Variants in TMEM114 observed in about 807,000 individuals in gnomAD.
TMEM114 encodes transmembrane protein 114.
A neutral mutation model predicts 6.2 loss-of-function variants in TMEM114; 6 were observed. That is an observed-to-expected ratio of 0.97 (90% CI 0.53 to 1.91). The LOEUF is 1.91. TMEM114 is among the 40% of genes most tolerant of loss of function. The pLI is 0.01. For synonymous variants in TMEM114, 104 were observed against 73.0 expected, an observed-to-expected ratio of 1.42 and a Z score of -2.16; for missense variants, 218 against 158.3, an observed-to-expected ratio of 1.38 and a Z score of -2.02.
At chr16:8,535,687 G>C (rs4787250), downstream of TMEM114, among the ~76,000 whole-genome samples, 1 of 151,914 alleles carries the variant, frequency 6.6e-6, no homozygotes, top group Non-Finnish European at 1.5e-5. Context: ...CAAATCCTTC[G>C]TCGTGGGAAC....
chr16:8,532,123 T>A, the TMEM114 span: 3 of 152,320 alleles, frequency 2.0e-5, no homozygotes, highest in South Asian at 2.1e-4. Flanking sequence ...AGGGTTCAGC[T>A]CCAACACACC....
the TMEM114 span, among the ~76,000 whole-genome samples, chr16:8,526,995 G>A: frequency 2.0e-5 from 3 of 152,156 alleles, no homozygotes; most frequent in Non-Finnish European, 4.4e-5. Flanking sequence ...ATCACCTGAG[G>A]TCAGGAGCTC....
At chr16:8,557,257 C>G (rs559128591) in intron 2 of TMEM114, among the ~76,000 whole-genome samples, 1 of 152,098 alleles carries the variant, frequency 6.6e-6, no homozygotes, top group African/African-American at 2.4e-5. Context: ...CAAAAGGTAA[C>G]ACAACTTCCA....
Position 8,562,019 on chromosome 16 carries a change from TGTGAGTGAATGAGTGAGTAAATGAGTGA to T in TMEM114, n.213-24221_213-24194del, listed in dbSNP as rs1190343719. On this transcript the variant is annotated intron_variant and non_coding_transcript_variant, in intron 2 of 2. Transcript: ENST00000623677. ...GAATGAGTAAATGAGTGACTGAATG[TGTGAGTGAATGAGTGAGTAAATGAGTGA>T]GTGAGTGAATGAGTGAGTAAATGAG... 4.5e-3 allele frequency among the ~76,000 whole-genome samples: 554 copies of T among 122,882 alleles called. 4 individuals carry two copies. The highest frequency in any genetic ancestry group is 0.011 in the African/African-American group (357 of 31,542). The allele number at this position is 122,882 out of a possible 152,430, so 80.6% of individuals were successfully genotyped here. A position where few individuals can be genotyped will look rare whatever the true frequency, so the allele number is the denominator to read the frequency against.
At chr16:8,544,000 G>C (rs1027960368) in intron 2 of TMEM114, among the ~76,000 whole-genome samples, 7 of 152,096 alleles carry the variant, frequency 4.6e-5, no homozygotes, top group Admixed American at 2.0e-4. Flanking sequence ...TTTCCTTTTT[G>C]CCTAGACTGC....
rs1900939627 is a variant in TMEM114 at position 8,554,331 on chromosome 16, G to A, written n.213-16505C>T. Among the ~76,000 whole-genome samples the A allele has an allele frequency of 2.0e-5, 3 of 152,106 alleles. No individual in the cohort carries two copies. In the South Asian group the frequency reaches 6.2e-4, roughly 32 times the overall value. Reference sequence around the variant, plus strand: ...AGCCCTTTGGGAGGCCAAGGCAGGAGCATCGCTTGAGACCAGGAGTTCAAG... The same window carrying A: ...AGCCCTTTGGGAGGCCAAGGCAGGAACATCGCTTGAGACCAGGAGTTCAAG... On this transcript the variant is annotated intron_variant and non_coding_transcript_variant, in intron 2 of 2. Transcript: ENST00000623677.
At chr16:8,556,772 G>A (rs1167813639) in intron 2 of TMEM114, among the ~76,000 whole-genome samples, 2 of 152,182 alleles carry the variant, frequency 1.3e-5, no homozygotes, top group African/African-American at 2.4e-5. Flanking sequence ...CAAAGTGCCA[G>A]GATTATAGGC....
chr16:8,550,208 G>A (rs1013216540), intron 2 of TMEM114, among the ~76,000 whole-genome samples: 1 of 152,194 alleles, frequency 6.6e-6, no homozygotes, highest in African/African-American at 2.4e-5. Flanking sequence ...CCCACGTTGT[G>A]GGTGGGTCTT....
chr16:8,538,829 T>C (rs973389872), intron 2 of TMEM114, among the ~76,000 whole-genome samples: 1 of 152,196 alleles, frequency 6.6e-6, no homozygotes, highest in Non-Finnish European at 1.5e-5. Flanking sequence ...TTTTATGTTG[T>C]ATATACTTCA....
downstream of TMEM114, among the ~76,000 whole-genome samples, chr16:8,565,266 T>G (rs144712590): frequency 5.3e-5 from 8 of 152,176 alleles, no homozygotes; most frequent in Admixed American, 1.3e-4. Context: ...AGTGAACTTA[T>G]GAATGAACAA....
intron 2 of TMEM114, among the ~76,000 whole-genome samples, chr16:8,560,192 C>G (rs1901155067): frequency 6.6e-6 from 1 of 151,702 alleles, no homozygotes; most frequent in African/African-American, 2.4e-5. Context: ...GAGATGGGGT[C>G]TTGCTATGTT....
chr16:8,549,609 G>C (rs543215139), intron 2 of TMEM114, among the ~76,000 whole-genome samples: 59 of 151,976 alleles, frequency 3.9e-4, no homozygotes, highest in African/African-American at 1.4e-3. Flanking sequence ...TTTATTCCAA[G>C]ATATCATGTT....
chr16:8,565,904 G>C (rs1383452537), downstream of TMEM114, among the ~76,000 whole-genome samples: 1 of 152,166 alleles, frequency 6.6e-6, no homozygotes, highest in Non-Finnish European at 1.5e-5. Context: ...GTAGAGCCAG[G>C]GTTGAGAACC....
At position 8,590,059 on chromosome 16, in the gene TMEM114, C is replaced by T. The variant is rs1472038999; in HGVS notation, c.-221G>A. ...CTGCACGCGCCCCCCGCTCAGCCGC[C>T]GTCCACGTTCCCACCCCTCCAATGC... is the stretch of plus-strand genomic sequence containing the variant. On this transcript the variant is annotated 5_prime_UTR_variant, in exon 1 of 4. Transcript: ENST00000620492. 2 of 376,670 alleles carry T rather than the reference C, an allele frequency of 5.3e-6. No individual in the cohort carries two copies. Among genetic ancestry groups the T allele is most frequent in the East Asian group, 3.9e-5 (1 of 25,912 alleles). The allele number at this position is 376,670 out of a possible 1,614,324, so 23.3% of individuals were successfully genotyped here. A position where few individuals can be genotyped will look rare whatever the true frequency, so the allele number is the denominator to read the frequency against.
At chr16:8,533,425 T>A (rs1900271622), downstream of TMEM114, among the ~76,000 whole-genome samples, 1 of 152,132 alleles carries the variant, frequency 6.6e-6, no homozygotes, top group Non-Finnish European at 1.5e-5. Context: ...AAGGCCTGTG[T>A]GGATGGAGTA....
intron 2 of TMEM114, among the ~76,000 whole-genome samples, chr16:8,552,347 G>C (rs1900872615): frequency 6.6e-6 from 1 of 151,942 alleles, no homozygotes; most frequent in Non-Finnish European, 1.5e-5. Flanking sequence ...TCACTCCACT[G>C]CTCTCCAGCC....
rs1258399369 is a variant in TMEM114 at position 8,590,430 on chromosome 16, A to G, written c.-592T>C. Among the ~76,000 whole-genome samples the G allele has an allele frequency of 2.0e-5, 3 of 151,914 alleles. No individual in the cohort carries two copies. The highest frequency in any genetic ancestry group is 2.0e-4 in the Admixed American group (3 of 15,272). On this transcript the variant is annotated 5_prime_UTR_variant, in exon 1 of 4. Transcript: ENST00000620492. ...ATCCCCACTCCCAGCCCTGCTCTCC[A>G]GGGTCTTCCCGCAGCTCCTGCTCTG...
Position 8,553,549 on chromosome 16 carries a change from G to A in TMEM114, n.213-15723C>T, listed in dbSNP as rs1028413495. Reference sequence around the variant, plus strand: ...CACCCAGGCTGGAGTGCAGTGGCACGATCTCGACTCACTGCAAGCTCCACC... The same window carrying A: ...CACCCAGGCTGGAGTGCAGTGGCACAATCTCGACTCACTGCAAGCTCCACC... On this transcript the variant is annotated intron_variant and non_coding_transcript_variant, in intron 2 of 2. Coordinates refer to the TMEM114 transcript ENST00000623677. Among the ~76,000 whole-genome samples, 4 of 151,852 alleles carry A rather than the reference G, an allele frequency of 2.6e-5. 1 individual carries two copies. Among genetic ancestry groups the A allele is most frequent in the Admixed American group, 1.3e-4 (2 of 15,250 alleles).
intron 2 of TMEM114, among the ~76,000 whole-genome samples, chr16:8,561,090 G>T (rs78115139): frequency 0.014 from 2,138 of 152,246 alleles, 20 homozygotes; most frequent in Non-Finnish European, 0.023. Flanking sequence ...CCCATGATTC[G>T]ATTATCTCGC....
Sources: allele counts gnomAD v4.1 joint callset (sites outside exome capture counted in the v4.1 genomes callset), GRCh38; gene constraint gnomAD v4.1.1; transcripts MANE v1.5; gene names NCBI Gene and HGNC (gene_info 2026-07-23, HGNC 2026-07-21).